B4GALNT3: variants seen among roughly 807,000 people sequenced by gnomAD.
The protein encoded by B4GALNT3 is beta-1,4-N-acetyl-galactosaminyltransferase 3.
Under a neutral mutation model 120.2 loss-of-function variants are expected in B4GALNT3, and 86 were observed. That is an observed-to-expected ratio of 0.72 (90% CI 0.60 to 0.86). The LOEUF (loss-of-function observed/expected upper bound fraction) is 0.86. B4GALNT3 is among the 40% of genes least tolerant of loss of function. The pLI, the probability that B4GALNT3 is intolerant of heterozygous loss-of-function variation, is 0.00. For missense variants in B4GALNT3, 1,167 were observed against 1,298.9 expected, an observed-to-expected ratio of 0.90 and a Z score of 1.56; for synonymous variants, 518 against 510.4, an observed-to-expected ratio of 1.01 and a Z score of -0.20.
At chr12:554,672 C>T (rs1237842015) in intron 14 of B4GALNT3, among the ~76,000 whole-genome samples, 4 of 149,766 alleles carry the variant, frequency 2.7e-5, no homozygotes, top group South Asian at 2.2e-4. Context: ...CGCCTGTAGT[C>T]CCAGCTACTC....
chr12:465,562 A>G (rs1362709769), intron 1 of B4GALNT3, among the ~76,000 whole-genome samples: 4 of 151,806 alleles, frequency 2.6e-5, no homozygotes, highest in Admixed American at 6.6e-5. Flanking sequence ...GGCATTGCCT[A>G]TACGAGGAAT....
At chr12:473,357 G>A (rs1240459472) in intron 1 of B4GALNT3, among the ~76,000 whole-genome samples, 1 of 152,198 alleles carries the variant, frequency 6.6e-6, no homozygotes, top group Non-Finnish European at 1.5e-5. Flanking sequence ...CTAGGATGTA[G>A]TGAGGTGGTT....
At chr12:536,139 C>G in intron 2 of B4GALNT3, 79 bp from the exon 3 acceptor site, 4 of 1,189,050 alleles carry the variant, frequency 3.4e-6, no homozygotes, top group Non-Finnish European at 5.0e-6. Flanking sequence ...CTCCTGGGAG[C>G]AGGCACTGTG....
In B4GALNT3 at chr12:478,275, AGAG is replaced by A. The variant is rs1565589178; in HGVS notation, c.169+17735_169+17737del. 1.7e-3 allele frequency among the ~76,000 whole-genome samples: 74 copies of A among 44,842 alleles called. 1 individual carries two copies. Among genetic ancestry groups the A allele is most frequent in the Middle Eastern group, 0.017 (1 of 60 alleles). 29.4% of individuals were successfully genotyped at this position (44,842 alleles called of 152,430 possible). On this transcript the variant is annotated intron_variant, in intron 1 of 19. Transcript: ENST00000266383. Reference sequence around the variant, plus strand: ...TAAAAAAAAAAAAAAAAAAAAAATTAGAGGAGGTAAAAAAAAAAAAAATATTCA... The same window carrying A: ...TAAAAAAAAAAAAAAAAAAAAAATTAGAGGTAAAAAAAAAAAAAATATTCA...
intron 7 of B4GALNT3, among the ~76,000 whole-genome samples, chr12:547,442 C>T (rs1188047518): frequency 6.6e-6 from 1 of 152,142 alleles, no homozygotes; most frequent in African/African-American, 2.4e-5. Flanking sequence ...CAACAGAAGG[C>T]CGTGTGCACC....
intron 1 of B4GALNT3, among the ~76,000 whole-genome samples, chr12:465,529 T>A (rs1328023428): frequency 2.0e-5 from 3 of 147,398 alleles, no homozygotes; most frequent in African/African-American, 7.5e-5. Context: ...TTTTTTTTTT[T>A]AATCATAAGC....
chr12:491,794 G>A (rs1052354546), intron 1 of B4GALNT3, among the ~76,000 whole-genome samples: 3 of 151,678 alleles, frequency 2.0e-5, no homozygotes, highest in African/African-American at 7.3e-5. Context: ...GGTGGCTTAC[G>A]CCTGTAATCC....
intron 13 of B4GALNT3, 39 bp downstream of exon 13, chr12:552,567 A>G (rs910092981): frequency 3.4e-5 from 54 of 1,592,504 alleles, no homozygotes; most frequent in Non-Finnish European, 4.2e-5. Flanking sequence ...TCAGGCTGAG[A>G]GGGGCGACCA....
intron 1 of B4GALNT3, among the ~76,000 whole-genome samples, chr12:493,373 TACAC>T (rs920865140): frequency 6.6e-6 from 1 of 152,188 alleles, no homozygotes; most frequent in Non-Finnish European, 1.5e-5. Flanking sequence ...AAGATATCAC[TACAC>T]ACCTATTAGA....
chr12:461,493 T>A (rs978640497), intron 1 of B4GALNT3, among the ~76,000 whole-genome samples: 3 of 152,090 alleles, frequency 2.0e-5, no homozygotes, highest in African/African-American at 7.2e-5. Context: ...CCTGTAATAG[T>A]TGGGAAAAGA....
intron 1 of B4GALNT3, among the ~76,000 whole-genome samples, chr12:479,419 CA>C (rs1181745440): frequency 6.6e-6 from 1 of 152,078 alleles, no homozygotes; most frequent in Non-Finnish European, 1.5e-5. Context: ...CTTGGACTGC[CA>C]AACTGGGTAG....
At chr12:503,629 G>C (rs1004057817) in intron 1 of B4GALNT3, among the ~76,000 whole-genome samples, 1 of 152,116 alleles carries the variant, frequency 6.6e-6, no homozygotes, top group Non-Finnish European at 1.5e-5. Context: ...ACCCCCACCT[G>C]CACTCCTAAC....
intron 1 of B4GALNT3, among the ~76,000 whole-genome samples, chr12:470,863 C>A (rs28712766): frequency 1.3e-5 from 2 of 151,736 alleles, no homozygotes; most frequent in Admixed American, 6.6e-5. Flanking sequence ...CTCAATCTCC[C>A]GAGTAGCTGG....
intron 1 of B4GALNT3, among the ~76,000 whole-genome samples, chr12:463,495 T>C (rs1946045279): frequency 1.3e-5 from 2 of 152,238 alleles, no homozygotes; most frequent in South Asian, 4.1e-4. Context: ...GAGCCAGGCA[T>C]TGTGCCAGGC....
intron 1 of B4GALNT3, among the ~76,000 whole-genome samples, chr12:473,393 G>T (rs540231656): frequency 6.6e-6 from 1 of 152,320 alleles, no homozygotes; most frequent in South Asian, 2.1e-4. Flanking sequence ...AGGGTGGGTG[G>T]TGAGCGCCTA....
At chr12:518,722 C>T (rs2120613431) in intron 1 of B4GALNT3, among the ~76,000 whole-genome samples, 1 of 152,332 alleles carries the variant, frequency 6.6e-6, no homozygotes, top group East Asian at 1.9e-4. Context: ...TTTAAATCAT[C>T]TGTAGATTAC....
chr12:472,720 A>G (rs528055769), intron 1 of B4GALNT3, among the ~76,000 whole-genome samples: 1 of 152,296 alleles, frequency 6.6e-6, no homozygotes, highest in African/African-American at 2.4e-5. Flanking sequence ...TACAGGCGTG[A>G]GCCACCGCGC....
intron 6 of B4GALNT3, among the ~76,000 whole-genome samples, chr12:545,707 AATG>A (rs1233799844): frequency 2.2e-4 from 22 of 100,030 alleles, no homozygotes; most frequent in Non-Finnish European, 3.8e-4. Flanking sequence ...AGGAGTGAGG[AATG>A]GGGAGGAGCG....
intron 1 of B4GALNT3, among the ~76,000 whole-genome samples, chr12:525,648 A>C (rs1252494324): frequency 6.6e-6 from 1 of 152,190 alleles, no homozygotes. Flanking sequence ...GGGCGGAGTC[A>C]CTTCCGCCAA....
Sources: allele counts gnomAD v4.1 joint callset (sites outside exome capture counted in the v4.1 genomes callset), GRCh38; gene constraint gnomAD v4.1.1; transcripts MANE v1.5; gene names NCBI Gene and HGNC (gene_info 2026-07-23, HGNC 2026-07-21).